FAM174A: variants seen among roughly 807,000 people sequenced by gnomAD.
FAM174A encodes the protein membrane protein FAM174A.
FAM174A carries 14 observed loss-of-function variants against 14.3 expected under a neutral mutation model. The observed-to-expected ratio is 0.98, with a 90% CI of 0.65 to 1.53. The LOEUF (loss-of-function observed/expected upper bound fraction) is 1.53. Ranked by LOEUF, FAM174A falls within the 40% of genes most tolerant of loss-of-function variation. The probability of loss-of-function intolerance (pLI) is 0.00; values close to 1 mark genes in which losing one functional copy is unlikely to be tolerated. For synonymous variants in FAM174A, 108 were observed against 111.4 expected (o/e 0.97, Z 0.19); for missense variants, 241 against 249.6 (o/e 0.97, Z 0.23).
intron 2 of FAM174A, among the ~76,000 whole-genome samples, chr5:100,574,047 G>T (rs1746850321): frequency 6.6e-6 from 1 of 151,976 alleles, no homozygotes; most frequent in Admixed American, 6.6e-5. Flanking sequence ...TAACTACATG[G>T]TTAAGACAGT....
chr5:100,579,458 C>G (rs1746964908), intron 2 of FAM174A, among the ~76,000 whole-genome samples: 1 of 151,728 alleles, frequency 6.6e-6, no homozygotes, highest in Non-Finnish European at 1.5e-5. Context: ...GAGTTTCGGT[C>G]TTGTCACCCA....
At chr5:100,579,537 G>A (rs925571030) in intron 2 of FAM174A, among the ~76,000 whole-genome samples, 8 of 151,948 alleles carry the variant, frequency 5.3e-5, no homozygotes, top group African/African-American at 1.5e-4. Context: ...CAATTCTCCT[G>A]TCTCAGCCTC....
At chr5:100,548,907 A>G (rs1458779235) in intron 1 of FAM174A, among the ~76,000 whole-genome samples, 1 of 151,904 alleles carries the variant, frequency 6.6e-6, no homozygotes, top group Non-Finnish European at 1.5e-5. Context: ...TTTCATTTTT[A>G]TACTTTAATT....
intron 1 of FAM174A, among the ~76,000 whole-genome samples, chr5:100,554,645 T>C (rs1280282392): frequency 1.4e-5 from 1 of 73,320 alleles, no homozygotes; most frequent in Non-Finnish European, 2.7e-5. Flanking sequence ...GACAATACAT[T>C]TATTATTTCT....
intron 1 of FAM174A, among the ~76,000 whole-genome samples, chr5:100,558,789 G>C (rs1274287391): frequency 1.3e-5 from 2 of 151,972 alleles, no homozygotes; most frequent in East Asian, 3.9e-4. Flanking sequence ...CCATTTGCTT[G>C]GTAGATCTTC....
intron 1 of FAM174A, among the ~76,000 whole-genome samples, chr5:100,548,253 A>G (rs2112370550): frequency 6.6e-6 from 1 of 152,236 alleles, no homozygotes. Flanking sequence ...TCTAAACAAA[A>G]TCATGGTTCT....
At chr5:100,582,350 A>C (rs568360035) in intron 2 of FAM174A, among the ~76,000 whole-genome samples, 1 of 152,142 alleles carries the variant, frequency 6.6e-6, no homozygotes, top group Non-Finnish European at 1.5e-5. Flanking sequence ...CAGACTGCTG[A>C]CTAAAGATTC....
rs751095320 is a variant in FAM174A at position 100,535,961 on chromosome 5, T to G, written c.431T>G (p.Val144Gly). 6.3e-7 allele frequency: 1 copy of G among 1,575,326 alleles called. No individual in the cohort carries two copies. The highest frequency in any genetic ancestry group is 1.1e-5 in the South Asian group (1 of 87,536). Residue 144 changes from valine (V) to glycine (G), a missense_variant, in exon 1 of 3, where the codon GTC becomes GGC. Coordinates refer to ENST00000312637, the MANE Select transcript of FAM174A (RefSeq NM_198507.3). ...AVLVYFVVRT[V>G]RMRRRNRKTR... ...CTGGTGTACTTCGTGGTCAGGACGG[T>G]CAGGTGAGGCAAAGCCTCGGTGGGG...
At chr5:100,547,114 T>C (rs1190697325) in intron 1 of FAM174A, among the ~76,000 whole-genome samples, 1 of 152,120 alleles carries the variant, frequency 6.6e-6, no homozygotes, top group Non-Finnish European at 1.5e-5. Context: ...CAATCTAGCC[T>C]AGGGATTGAC....
At chr5:100,543,764 A>G (rs1183604773) in intron 1 of FAM174A, among the ~76,000 whole-genome samples, 1 of 152,084 alleles carries the variant, frequency 6.6e-6, no homozygotes, top group East Asian at 1.9e-4. Context: ...CTTGTCTTCC[A>G]GTCTCTAGTG....
chr5:100,566,253 GCAA>G, intron 2 of FAM174A, among the ~76,000 whole-genome samples: 1 of 144,770 alleles, frequency 6.9e-6, no homozygotes, highest in African/African-American at 2.5e-5. Flanking sequence ...CTGGACATTT[GCAA>G]CAACATGGAT....
At chr5:100,572,912 T>C (rs1746820987) in intron 2 of FAM174A, among the ~76,000 whole-genome samples, 1 of 152,162 alleles carries the variant, frequency 6.6e-6, no homozygotes, top group South Asian at 2.1e-4. Flanking sequence ...CTCCAGCACC[T>C]GTTGTTTCCT....
chr5:100,549,175 A>G (rs1038397511), intron 1 of FAM174A, among the ~76,000 whole-genome samples: 3 of 152,132 alleles, frequency 2.0e-5, no homozygotes, highest in Non-Finnish European at 2.9e-5. Flanking sequence ...AGGGTTGGTC[A>G]TAGAACCAGT....
intron 2 of FAM174A, among the ~76,000 whole-genome samples, chr5:100,583,426 A>T (rs995632035): frequency 6.6e-6 from 1 of 152,192 alleles, no homozygotes; most frequent in African/African-American, 2.4e-5. Context: ...AAGAAGTTGA[A>T]AGCAGTCTTG....
At chr5:100,539,841 G>A (rs1442953661) in intron 1 of FAM174A, among the ~76,000 whole-genome samples, 4 of 152,186 alleles carry the variant, frequency 2.6e-5, no homozygotes, top group Admixed American at 6.5e-5. Flanking sequence ...TATATGCCCA[G>A]TGCCTTTCTG....
At chr5:100,563,250 C>G (rs247937) in intron 2 of FAM174A, among the ~76,000 whole-genome samples, 1 of 151,476 alleles carries the variant, frequency 6.6e-6, no homozygotes, top group Non-Finnish European at 1.5e-5. Context: ...ATCTGTTCTT[C>G]AGGCACTCAC....
At chr5:100,572,654 T>A (rs1423161782) in intron 2 of FAM174A, among the ~76,000 whole-genome samples, 1 of 152,122 alleles carries the variant, frequency 6.6e-6, no homozygotes, top group Non-Finnish European at 1.5e-5. Context: ...TCTATCATTG[T>A]TGGACATTTG....
At chr5:100,559,347 C>G (rs952671441) in intron 1 of FAM174A, among the ~76,000 whole-genome samples, 5 of 152,070 alleles carry the variant, frequency 3.3e-5, no homozygotes, top group African/African-American at 1.2e-4. Flanking sequence ...GTAACCCGAC[C>G]GTTTTCTCTG....
At position 100,570,205 on chromosome 5, in the gene FAM174A, T is replaced by G. The variant is rs539515411; in HGVS notation, c.569+8017T>G. Among the ~76,000 whole-genome samples the G allele has an allele frequency of 1.8e-3, 268 of 151,980 alleles. 1 individual carries two copies. The highest frequency in any genetic ancestry group is 6.1e-3 in the African/African-American group (255 of 41,526). ...CCACATAACAGCATTTTTAAAGAGG[T>G]GTGAGAAGAGGTGTGTTTATTCCTA... On this transcript the variant is annotated intron_variant, in intron 2 of 2. Coordinates refer to ENST00000312637, the MANE Select transcript of FAM174A (RefSeq NM_198507.3).
Sources: allele counts gnomAD v4.1 joint callset (sites outside exome capture counted in the v4.1 genomes callset), GRCh38; gene constraint gnomAD v4.1.1; transcripts MANE v1.5; gene names NCBI Gene and HGNC (gene_info 2026-07-23, HGNC 2026-07-21).